ABCC11: variants seen among roughly 807,000 people sequenced by gnomAD.
The protein encoded by ABCC11 is ATP-binding cassette sub-family C member 11.
Under a neutral mutation model 149.3 loss-of-function variants are expected in ABCC11, and 135 were observed. The observed-to-expected ratio is 0.90, with a 90% CI of 0.79 to 1.04. The LOEUF (loss-of-function observed/expected upper bound fraction) is 1.04. ABCC11 is among the 50% of genes least tolerant of loss of function. ABCC11 has a pLI of 0.00. For synonymous variants in ABCC11, 665 were observed against 671.4 expected, an observed-to-expected ratio of 0.99 and a Z score of 0.15; for missense variants, 1,680 against 1,722.1, an observed-to-expected ratio of 0.98 and a Z score of 0.43.
In ABCC11 at chr16:48,176,918, G is replaced by T; in HGVS notation, c.3538+6C>A. 6.2e-7 allele frequency: 1 copy of T among 1,612,682 alleles called. No individual in the cohort carries two copies. Among genetic ancestry groups the T allele is most frequent in the Non-Finnish European group, 8.5e-7 (1 of 1,179,714 alleles). ...TGGGGACGCTCGCCCAGGAAGCTCA[G>T]CTCACCAGAGCCCGTCCTTCCCACG... On this transcript the variant is annotated splice_donor_region_variant and intron_variant, in intron 25 of 29. Coordinates refer to ENST00000356608, the MANE Select transcript of ABCC11 (RefSeq NM_001370497.1).
rs368435634 is a variant in ABCC11, at chr16:48,170,869, T to C, written c.3777+20A>G. Reference sequence around the variant, plus strand: ...GGCGATGCAGACTTAGACCAAGACTTGGGCCTTGGAGCTACTTACGGCCTT... The same window carrying C: ...GGCGATGCAGACTTAGACCAAGACTCGGGCCTTGGAGCTACTTACGGCCTT... On this transcript the variant is annotated intron_variant, in intron 27 of 29. Coordinates refer to ENST00000356608, the MANE Select transcript of ABCC11 (RefSeq NM_001370497.1). 2.9e-5 allele frequency: 47 copies of C among 1,602,428 alleles called. No individual in the cohort carries two copies. Among genetic ancestry groups the C allele is most frequent in the Non-Finnish European group, 3.8e-5 (44 of 1,169,602 alleles).
chr16:48,196,732 C>A (rs1298041924), intron 17 of ABCC11, among the ~76,000 whole-genome samples: 1 of 152,220 alleles, frequency 6.6e-6, no homozygotes. Context: ...CTAAGATGCC[C>A]TGCAGCCATA....
In ABCC11 at chr16:48,196,695, C is replaced by T. The variant is rs781736034; in HGVS notation, c.2315-374G>A. Among the ~76,000 whole-genome samples, 45 of 152,194 alleles carry T rather than the reference C, an allele frequency of 3.0e-4. 2 individuals are homozygous for T. The highest frequency in any genetic ancestry group is 1.4e-3 in the East Asian group (7 of 5,170). On this transcript the variant is annotated intron_variant, in intron 17 of 29. Coordinates refer to ENST00000356608, the MANE Select transcript of ABCC11 (RefSeq NM_001370497.1). Reference sequence around the variant, plus strand: ...CACTTAACCCTTCTGTTTCCTTGTCCGAAAAAACGGAAAGCCGAGAAGTTT... The same window carrying T: ...CACTTAACCCTTCTGTTTCCTTGTCTGAAAAAACGGAAAGCCGAGAAGTTT...
At position 48,170,917 on chromosome 16, in the gene ABCC11, G is replaced by A; in HGVS notation, c.3749C>T (p.Ala1250Val). ...CTTGGTCAGGAATGTCCTCTCCAAG[G>A]CATCCCAGATCTGCTGGTCAGTGTG... ...DRHTDQQIWD[A>V]LERTFLTKAI... The change falls in exon 27 of 30, where the codon GCC becomes GTC. Residue 1250 changes from alanine (A) to valine (V), a missense_variant. By Grantham distance (64) the Ala-to-Val change is moderately conservative. Transcript: ENST00000356608. 1 of 1,614,018 alleles carries A rather than the reference G, an allele frequency of 6.2e-7. No homozygotes were observed.
At chr16:48,196,480 C>A (rs1234018167) in intron 17 of ABCC11, among the ~76,000 whole-genome samples, 159 bp from the exon 18 acceptor site, 1 of 152,200 alleles carries the variant, frequency 6.6e-6, no homozygotes, top group Admixed American at 6.5e-5. Flanking sequence ...CTGAAAGAAA[C>A]CTTTGACCTG....
Position 48,170,133 on chromosome 16 carries a change from A to G in ABCC11, c.3863T>C (p.Ile1288Thr). ...FSVGERQLLCIARAVLRNSKI... is the reference protein window; with the variant it reads ...FSVGERQLLCTARAVLRNSKI... ...GGAGTTGCGAAGCACAGCCCTGGCA[A>G]TGCAGAGCAGCTGCCTCTCCCCCAC... Residue 1288 changes from isoleucine (I) to threonine (T), a missense_variant, in exon 28 of 30, where the codon ATT (isoleucine) becomes ACT (threonine). Transcript: ENST00000356608. The G allele has an allele frequency of 6.2e-7, 1 of 1,614,108 alleles. No homozygotes were observed. Among genetic ancestry groups the G allele is most frequent in the Non-Finnish European group, 8.5e-7 (1 of 1,179,962 alleles).
At chr16:48,235,710 A>G (rs1262206248) in intron 1 of ABCC11, among the ~76,000 whole-genome samples, 1 of 152,194 alleles carries the variant, frequency 6.6e-6, no homozygotes, top group African/African-American at 2.4e-5. Flanking sequence ...ATTCACTCTA[A>G]TTGGTGTAAG....
At chr16:48,214,415 C>A (rs1397229472) in intron 9 of ABCC11, among the ~76,000 whole-genome samples, 1 of 152,170 alleles carries the variant, frequency 6.6e-6, no homozygotes, top group Non-Finnish European at 1.5e-5. Flanking sequence ...TGGATTACCA[C>A]CCCTCCAAGA....
intron 26 of ABCC11, among the ~76,000 whole-genome samples, chr16:48,171,428 G>T (rs1965715254): frequency 6.6e-6 from 1 of 152,228 alleles, no homozygotes. Context: ...CTCATGTGGA[G>T]TTCAGAATGA....
rs1331094402 is a variant in ABCC11 at position 48,244,628 on chromosome 16, C to G, written c.-19+2686G>C. ...ACCTGCCGCCGCTGCACAGGTAGGC[C>G]TGGCTGCCCCCGCGGCGGCGGCGGG... On this transcript the variant is annotated intron_variant, in intron 1 of 29. Coordinates refer to ENST00000356608, the MANE Select transcript of ABCC11 (RefSeq NM_001370497.1). 16 of 1,361,596 alleles carry G rather than the reference C, an allele frequency of 1.2e-5. No individual in the cohort carries two copies. In the Admixed American group the frequency reaches 1.2e-4, roughly 10 times the overall value. The allele number at this position is 1,361,596 out of a possible 1,614,324, so 84.3% of individuals were successfully genotyped here. A position where few individuals can be genotyped will look rare whatever the true frequency, so the allele number is the denominator to read the frequency against.
intron 14 of ABCC11, among the ~76,000 whole-genome samples, chr16:48,202,467 C>T (rs780891338): frequency 3.9e-5 from 6 of 151,926 alleles, no homozygotes; most frequent in African/African-American, 9.7e-5. Context: ...AAAAATTAGC[C>T]GGGCCTGGAG....
Position 48,200,333 on chromosome 16 carries a change from C to T in ABCC11, c.2025G>A (p.Glu675=), listed in dbSNP as rs750857726. 1.9e-6 allele frequency: 3 copies of T among 1,614,230 alleles called. No homozygotes were observed. Among genetic ancestry groups the T allele is most frequent in the South Asian group, 2.2e-5 (2 of 91,080 alleles). Residue 675 remains glutamate, a synonymous_variant, in exon 15 of 30, where the codon GAG becomes GAA. Coordinates refer to ENST00000356608, the MANE Select transcript of ABCC11 (RefSeq NM_001370497.1). ...DAHVGKHIFE[E]CIKKTLRGKT... is the part of the protein sequence containing the mutation. ...TCCCCCTGAGTGTCTTCTTAATGCA[C>T]TCCTCAAAAATGTGCTTCCCCACGT...
intron 3 of ABCC11, among the ~76,000 whole-genome samples, chr16:48,228,469 G>C (rs112399074): frequency 3.3e-5 from 5 of 152,078 alleles, no homozygotes; most frequent in African/African-American, 1.2e-4. Flanking sequence ...TGGTGTGCAC[G>C]CCTGTAATCC....
At chr16:48,190,386 A>G (rs796429646) in intron 20 of ABCC11, among the ~76,000 whole-genome samples, 9 of 151,776 alleles carry the variant, frequency 5.9e-5, no homozygotes, top group African/African-American at 2.2e-4. Context: ...TAAATGAGAT[A>G]GGGTCTCACT....
intron 17 of ABCC11, among the ~76,000 whole-genome samples, chr16:48,197,420 C>T (rs1258811198): frequency 6.6e-6 from 1 of 152,092 alleles, no homozygotes; most frequent in Non-Finnish European, 1.5e-5. Context: ...CCACTTTTGC[C>T]GAGAATTCAG....
chr16:48,197,188 G>A (rs1359334456), intron 17 of ABCC11, among the ~76,000 whole-genome samples: 1 of 152,154 alleles, frequency 6.6e-6, no homozygotes, highest in Non-Finnish European at 1.5e-5. Flanking sequence ...AGCCGGTGTG[G>A]TGGTGCGTGC....
intron 1 of ABCC11, among the ~76,000 whole-genome samples, chr16:48,233,234 G>A (rs1970520893): frequency 6.6e-6 from 1 of 152,158 alleles, no homozygotes; most frequent in Non-Finnish European, 1.5e-5. Context: ...TCAAATATTG[G>A]ATTGTACTTC....
intron 3 of ABCC11, 83 bp from the exon 4 acceptor site, chr16:48,228,047 G>A (rs543704141): frequency 2.3e-5 from 31 of 1,346,868 alleles, no homozygotes; most frequent in East Asian, 7.1e-5. Context: ...AAAACACAAC[G>A]AGGTTACCCA....
In ABCC11 at chr16:48,216,240, C is replaced by T. The variant is rs2150878040; in HGVS notation, c.825G>A (p.Val275=). The T allele has an allele frequency of 6.2e-7, 1 of 1,614,024 alleles. No homozygotes were observed. Among genetic ancestry groups the T allele is most frequent in the Non-Finnish European group, 8.5e-7 (1 of 1,179,982 alleles). Reference sequence around the variant, plus strand: ...TGATCAGTACTAGGGGTCCATAGCACACCCCTTCAAACAGGTAGTTTACAT... The same window carrying T: ...TGATCAGTACTAGGGGTCCATAGCATACCCCTTCAAACAGGTAGTTTACAT... ...TGDVNYLFEG[V]CYGPLVLITC... Residue 275 remains valine, a synonymous_variant, in exon 7 of 30, where the codon GTG becomes GTA. Coordinates refer to ENST00000356608, the MANE Select transcript of ABCC11 (RefSeq NM_001370497.1).
Sources: gnomAD v4.1 joint callset for allele counts (sites outside exome capture counted in the v4.1 genomes callset) on GRCh38, gnomAD v4.1.1 for gene constraint, MANE v1.5 for transcripts, NCBI Gene and HGNC (gene_info 2026-07-23, HGNC 2026-07-21) for gene names.